BRWD1: variants seen among roughly 807,000 people sequenced by gnomAD.
BRWD1 encodes bromodomain and WD repeat-containing protein 1.
BRWD1 carries 82 observed loss-of-function variants against 251.2 expected under a neutral mutation model. The observed-to-expected ratio is 0.33, with a 90% confidence interval of 0.27 to 0.39. The LOEUF (loss-of-function observed/expected upper bound fraction) is 0.39, where lower values mean the gene tolerates loss of function less well. Among genes scored for constraint, BRWD1 ranks in the 10% least tolerant of loss-of-function variants. The probability of loss-of-function intolerance (pLI) is 1.00; values close to 1 mark genes in which losing one functional copy is unlikely to be tolerated. For missense variants in BRWD1, 2,233 were observed against 2,711.6 expected (o/e 0.82, Z 3.92); for synonymous variants, 918 against 902.8 (o/e 1.02, Z -0.30).
At chr21:39,229,959 G>C (rs922173542) in intron 25 of BRWD1, among the ~76,000 whole-genome samples, 6 of 152,100 alleles carry the variant, frequency 3.9e-5, no homozygotes, top group Non-Finnish European at 5.9e-5. Flanking sequence ...GACTAGTCTC[G>C]AACTCCTGGG....
chr21:39,202,033 CT>C (rs1276510727), intron 38 of BRWD1, among the ~76,000 whole-genome samples: 1 of 152,046 alleles, frequency 6.6e-6, no homozygotes, highest in Non-Finnish European at 1.5e-5. Context: ...CTTAGTACTT[CT>C]TAATTTTTAA....
upstream of BRWD1, among the ~76,000 whole-genome samples, chr21:39,318,264 G>T (rs544496603): frequency 3.3e-5 from 5 of 152,168 alleles, no homozygotes; most frequent in Admixed American, 6.6e-5. Context: ...TAAGAGAGTG[G>T]TCAAAATGGA....
At chr21:39,221,366 A>T (rs377645981) in intron 29 of BRWD1, among the ~76,000 whole-genome samples, 1 of 152,194 alleles carries the variant, frequency 6.6e-6, no homozygotes, top group Admixed American at 6.5e-5. Context: ...AGCATAGCTA[A>T]TATTTCATAA....
intron 20 of BRWD1, among the ~76,000 whole-genome samples, chr21:39,250,063 G>A (rs1410707885): frequency 6.6e-6 from 1 of 152,070 alleles, no homozygotes; most frequent in Non-Finnish European, 1.5e-5. Context: ...TAACTCATGA[G>A]TTAGGCTAAT....
In BRWD1 at chr21:39,236,795, G is replaced by C; in HGVS notation, c.2577-11C>G. Reference sequence around the variant, plus strand: ...CTAGATGAAGAGTCACTAGAAAAGGGGAGTGCTTTCAGTTGAATGGAGCCA... The same window carrying C: ...CTAGATGAAGAGTCACTAGAAAAGGCGAGTGCTTTCAGTTGAATGGAGCCA... On this transcript the variant is annotated splice_polypyrimidine_tract_variant and intron_variant, in intron 22 of 40. Transcript: ENST00000342449. The C allele has an allele frequency of 1.9e-6, 3 of 1,609,994 alleles. No individual in the cohort carries two copies. The highest frequency in any genetic ancestry group is 2.5e-6 in the Non-Finnish European group (3 of 1,178,350).
chr21:39,199,307 G>A lies in BRWD1; in HGVS notation c.5109C>T (p.Ser1703=). 4 of 1,614,146 alleles carry A rather than the reference G, an allele frequency of 2.5e-6. No homozygotes were observed. Among genetic ancestry groups the A allele is most frequent in the Non-Finnish European group, 3.4e-6 (4 of 1,180,010 alleles). The change falls in exon 40 of 41, where the codon TCC becomes TCT. Residue 1703 remains serine, a synonymous_variant. Transcript: ENST00000342449. ...CATTGCTCTGGGCAGTGTGAGAACT[G>A]GACACTGGTAATAGTTGATTTTCAT... ...LKDENQLLPV[S]SSHTAQSNVD... is the part of the protein sequence containing the mutation.
chr21:39,293,437 G>C (rs564357949), intron 8 of BRWD1, among the ~76,000 whole-genome samples: 3 of 150,820 alleles, frequency 2.0e-5, no homozygotes, highest in South Asian at 2.1e-4. Flanking sequence ...AGGTTGCAGC[G>C]AGCTGAGATC....
chr21:39,313,598 C>CCGCCGCCATACCGTGCG lies in BRWD1; in HGVS notation c.-108_-107insCGCACGGTATGGCGGCG. 1 of 845,214 alleles carries CCGCCGCCATACCGTGCG rather than the reference C, an allele frequency of 1.2e-6. No individual in the cohort carries two copies. The highest frequency in any genetic ancestry group is 2.0e-5 in the African/African-American group (1 of 51,208). 52.4% of individuals were successfully genotyped at this position (845,214 alleles called of 1,614,324 possible). Reference sequence around the variant, plus strand: ...CCCTCTTCTCAGGCGCGCGCCGCCGCCGCCGCCGCCGCCGCCATACCGTGC... The same window carrying CCGCCGCCATACCGTGCG: ...CCCTCTTCTCAGGCGCGCGCCGCCGCCGCCGCCATACCGTGCGCGCCGCCGCCGCCGCCATACCGTGC... On this transcript the variant is annotated 5_prime_UTR_variant, in exon 1 of 41. The change creates a new upstream start codon in the 5' untranslated region. Coordinates refer to ENST00000342449, the MANE Select transcript of BRWD1 (RefSeq NM_033656.4).
In BRWD1 at chr21:39,255,269, G is replaced by C. The variant is rs373307842; in HGVS notation, c.2255+376C>G. Among the ~76,000 whole-genome samples, 16 of 151,994 alleles carry C rather than the reference G, an allele frequency of 1.1e-4. 1 individual carries two copies. Among genetic ancestry groups the C allele is most frequent in the Non-Finnish European group, 1.8e-4 (12 of 67,992 alleles). On this transcript the variant is annotated intron_variant, in intron 19 of 40. Transcript: ENST00000342449. ...CTACTAAAAATATAAAAAATTAGCT[G>C]GGTGTGGTGGCGGGCGCCTGTAAGC...
intron 8 of BRWD1, among the ~76,000 whole-genome samples, chr21:39,289,455 C>A (rs1020629822): frequency 6.6e-6 from 1 of 152,110 alleles, no homozygotes. Flanking sequence ...CATTTACCCA[C>A]ACATTCATTT....
Position 39,304,957 on chromosome 21 carries a change from A to ATTTTTTT in BRWD1, c.199-6382_199-6376dup, listed in dbSNP as rs36090972. ...AACAAATCCACAGTCATATTTGGAG[A>ATTTTTTT]TTTTTTTTTTTTTTTTTTTTGAGAT... On this transcript the variant is annotated intron_variant, in intron 4 of 40. Coordinates refer to ENST00000342449, the MANE Select transcript of BRWD1 (RefSeq NM_033656.4). Among the ~76,000 whole-genome samples the ATTTTTTT allele has an allele frequency of 9.7e-4, 117 of 121,154 alleles. 2 individuals are homozygous for ATTTTTTT. The highest frequency in any genetic ancestry group is 3.3e-3 in the African/African-American group (105 of 32,154). 79.5% of individuals were successfully genotyped at this position (121,154 alleles called of 152,430 possible).
chr21:39,298,306 T>G (rs1419446924), intron 5 of BRWD1, 126 bp downstream of exon 5: 2 of 1,350,282 alleles, frequency 1.5e-6, no homozygotes, highest in Non-Finnish European at 1.9e-6. Context: ...GCAGAGAATT[T>G]TATAGTCCAC....
At chr21:39,296,033 C>G in intron 6 of BRWD1, 130 bp from the exon 7 acceptor site, 2 of 780,828 alleles carry the variant, frequency 2.6e-6, no homozygotes, top group Non-Finnish European at 3.7e-6. Context: ...ACAATTTCTT[C>G]CCAATTCTAT....
At chr21:39,238,704 T>C (rs1474028310) in intron 21 of BRWD1, 131 bp from the exon 22 acceptor site, 4 of 593,116 alleles carry the variant, frequency 6.7e-6, no homozygotes, top group Non-Finnish European at 1.2e-5. Context: ...TCAGTAAATA[T>C]ATAATCAGAT....
intron 5 of BRWD1, chr21:39,297,131 T>G (rs528593831): frequency 2.0e-6 from 2 of 985,346 alleles, no homozygotes; most frequent in African/African-American, 3.5e-5. Flanking sequence ...GAAAAAAAAG[T>G]CTGCCCTCCT....
rs1243764349 is a variant in BRWD1 at position 39,264,826 on chromosome 21, T to C, written c.1659+65A>G. 7 of 1,572,268 alleles carry C rather than the reference T, an allele frequency of 4.5e-6. No homozygotes were observed. In the Admixed American group the frequency reaches 9.4e-5, roughly 21 times the overall value. ...CTGTTTCCAAAACATAGCTCATAACTACTTATTTCCAAAACACAGCTGATA... is the reference window on the plus strand; with the variant it reads ...CTGTTTCCAAAACATAGCTCATAACCACTTATTTCCAAAACACAGCTGATA... On this transcript the variant is annotated intron_variant, in intron 16 of 40. Coordinates refer to ENST00000342449, the MANE Select transcript of BRWD1 (RefSeq NM_033656.4).
At chr21:39,237,012 A>G (rs1344374599) in intron 22 of BRWD1, among the ~76,000 whole-genome samples, 1 of 152,230 alleles carries the variant, frequency 6.6e-6, no homozygotes, top group African/African-American at 2.4e-5. Context: ...AGAAATTAGG[A>G]AAGGATGTAA....
intron 8 of BRWD1, among the ~76,000 whole-genome samples, chr21:39,291,417 G>A (rs1429953431): frequency 6.6e-6 from 1 of 152,096 alleles, no homozygotes; most frequent in African/African-American, 2.4e-5. Flanking sequence ...CTAACCAAAC[G>A]TTAAGTTTCA....
At chr21:39,254,112 C>T (rs1031319482) in intron 19 of BRWD1, among the ~76,000 whole-genome samples, 4 of 152,012 alleles carry the variant, frequency 2.6e-5, no homozygotes, top group Non-Finnish European at 5.9e-5. Context: ...ACTAAAAATA[C>T]AAAATTAGCC....
Sources: allele counts gnomAD v4.1 joint callset (sites outside exome capture counted in the v4.1 genomes callset), GRCh38; gene constraint gnomAD v4.1.1; transcripts MANE v1.5; gene names NCBI Gene and HGNC (gene_info 2026-07-23, HGNC 2026-07-21).